The following USO1 variants were observed in gnomAD, a reference collection of about 807,000 sequenced individuals.
USO1 encodes USO1 vesicle transport factor, also known as general vesicular transport factor p115.
USO1 carries 57 observed loss-of-function variants against 124.5 expected under a neutral mutation model. That is an observed-to-expected ratio of 0.46 (90% CI 0.37 to 0.57). The LOEUF is 0.57. Among genes scored for constraint, USO1 ranks in the 20% least tolerant of loss-of-function variants. USO1 has a pLI of 0.00. For missense variants in USO1, 900 were observed against 1,040.6 expected, an observed-to-expected ratio of 0.86 and a Z score of 1.86; for synonymous variants, 369 against 362.8, an observed-to-expected ratio of 1.02 and a Z score of -0.19.
rs1039513102 is a variant in USO1 at position 75,769,653 on chromosome 4, G to C, written c.296-786G>C. 4.6e-5 allele frequency among the ~76,000 whole-genome samples: 7 copies of C among 151,938 alleles called. No individual in the cohort carries two copies. In the East Asian group the frequency reaches 1.4e-3, roughly 29 times the overall value. On this transcript the variant is annotated intron_variant, in intron 4 of 23. Transcript: ENST00000514213. ...GGTGTGAGTGAGAGAATGGGAAGTA[G>C]TATGTTTGCATCACTAATTTGAGTT...
chr4:75,791,366 A>C (rs1321136916), intron 12 of USO1, among the ~76,000 whole-genome samples: 1 of 152,208 alleles, frequency 6.6e-6, no homozygotes, highest in African/African-American at 2.4e-5. Context: ...TCTACTAAAA[A>C]TACAAAAATT....
chr4:75,805,958 T>G (rs1316125831), intron 19 of USO1, among the ~76,000 whole-genome samples: 1 of 152,112 alleles, frequency 6.6e-6, no homozygotes, highest in African/African-American at 2.4e-5. Context: ...GGTAAATGCT[T>G]AGATTTAATA....
chr4:75,771,808 C>T (rs566950929), intron 7 of USO1, among the ~76,000 whole-genome samples: 55 of 152,258 alleles, frequency 3.6e-4, no homozygotes, highest in Non-Finnish European at 6.8e-4. Flanking sequence ...TATTTTGTTG[C>T]ATAAGCATTT....
intron 4 of USO1, among the ~76,000 whole-genome samples, chr4:75,758,280 A>G (rs968521651): frequency 6.6e-6 from 1 of 152,194 alleles, no homozygotes; most frequent in Non-Finnish European, 1.5e-5. Flanking sequence ...TGTATTTGTC[A>G]TATCAAATTG....
rs533315199 is a variant in USO1 at position 75,791,438 on chromosome 4, C to T, written c.1240+641C>T. ...ACTCAGGAGGCTGAGGCAGGAGAATCGCTCAAATCCTGGAGGCAGAGGTTG... is the reference window on the plus strand; with the variant it reads ...ACTCAGGAGGCTGAGGCAGGAGAATTGCTCAAATCCTGGAGGCAGAGGTTG... On this transcript the variant is annotated intron_variant, in intron 12 of 23. Transcript: ENST00000514213. Among the ~76,000 whole-genome samples, 39 of 152,236 alleles carry T rather than the reference C, an allele frequency of 2.6e-4. 1 individual carries two copies. The South Asian group carries it at 7.7e-3, about 30-fold the overall frequency.
intron 4 of USO1, among the ~76,000 whole-genome samples, chr4:75,765,485 T>C (rs1366835747): frequency 6.6e-6 from 1 of 152,168 alleles, no homozygotes; most frequent in African/African-American, 2.4e-5. Flanking sequence ...TCATAGCTGA[T>C]TCTAAAGATG....
At chr4:75,787,552 T>C (rs1238418289) in intron 10 of USO1, among the ~76,000 whole-genome samples, 1 of 152,234 alleles carries the variant, frequency 6.6e-6, no homozygotes, top group Non-Finnish European at 1.5e-5. Context: ...ATTCATTGAA[T>C]AGTAAATTCT....
At chr4:75,726,262 CAA>C (rs1193948035) in intron 1 of USO1, among the ~76,000 whole-genome samples, 1 of 101,780 alleles carries the variant, frequency 9.8e-6, no homozygotes, top group Non-Finnish European at 1.8e-5. Flanking sequence ...GCCTGGGCAA[CAA>C]GAGCGAAACT....
rs562384097 is a variant in USO1 at position 75,724,857 on chromosome 4, C to T, written c.38C>T (p.Ala13Val). ...FLRGVMGGQS[A>V]GPQHTEAETI... ...CGCGGGGTAATGGGGGGTCAGAGTG[C>T]CGGACCCCAGCACACAGAAGCCGAG... Residue 13 changes from alanine (A) to valine (V), a missense_variant, in exon 1 of 24, where the codon GCC becomes GTC. Ala to Val is a moderately conservative substitution (Grantham distance 64). Coordinates refer to ENST00000514213, the MANE Select transcript of USO1 (RefSeq NM_003715.4). 3 of 1,613,678 alleles carry T rather than the reference C, an allele frequency of 1.9e-6. No individual in the cohort carries two copies. The African/African-American group carries it at 4.0e-5, about 22-fold the overall frequency.
chr4:75,769,365 A>T (rs772278452), intron 4 of USO1, among the ~76,000 whole-genome samples: 6 of 152,222 alleles, frequency 3.9e-5, no homozygotes, highest in Middle Eastern at 3.2e-3. Flanking sequence ...TAATTAATCA[A>T]CTGGAAAACA....
rs535112089 is a variant in USO1, at chr4:75,787,081, C to G, written c.875C>G (p.Ser292Cys). 1 of 1,585,520 alleles carries G rather than the reference C, an allele frequency of 6.3e-7. No individual in the cohort carries two copies. Among genetic ancestry groups the G allele is most frequent in the East Asian group, 2.3e-5 (1 of 43,768 alleles). Residue 292 changes from serine to cysteine, a missense_variant, in exon 10 of 24, where the codon TCT (serine) becomes TGT (cysteine). Ser to Cys is a moderately radical substitution (Grantham distance 112). Around this residue, in one of 2 missense-constraint regions of USO1, gnomAD observed 538 missense variants for 681.6 expected, o/e 0.79. Transcript: ENST00000514213. ...LMLQLVRVLV[S>C]PTNPPGATSS... Reference sequence around the variant, plus strand: ...TCACAGCTTGTTCGTGTATTGGTATCTCCCACCAACCCTCCTGGTGCTACC... The same window carrying G: ...TCACAGCTTGTTCGTGTATTGGTATGTCCCACCAACCCTCCTGGTGCTACC...
intron 3 of USO1, chr4:75,755,555 A>T: frequency 2.0e-6 from 1 of 510,564 alleles, no homozygotes; most frequent in East Asian, 5.5e-5. Flanking sequence ...GTTATATTTC[A>T]GTTATGCCCA....
At chr4:75,772,488 C>T (rs1297270905) in intron 7 of USO1, among the ~76,000 whole-genome samples, 3 of 152,176 alleles carry the variant, frequency 2.0e-5, no homozygotes, top group East Asian at 1.9e-4. Context: ...CCACCCACCT[C>T]GACCTCCCAA....
At chr4:75,810,013 GA>G (rs1343452770) in intron 21 of USO1, among the ~76,000 whole-genome samples, 1 of 152,186 alleles carries the variant, frequency 6.6e-6, no homozygotes, top group African/African-American at 2.4e-5. Flanking sequence ...TAGCACTTGA[GA>G]AAAGATTTGC....
chr4:75,730,758 A>G (rs536153497), intron 1 of USO1, among the ~76,000 whole-genome samples: 2 of 152,086 alleles, frequency 1.3e-5, no homozygotes, highest in South Asian at 2.1e-4. Context: ...TTATACCTCA[A>G]GCAGAAGTGC....
chr4:75,788,228 C>A (rs1003300520), intron 10 of USO1, among the ~76,000 whole-genome samples: 1 of 146,224 alleles, frequency 6.8e-6, no homozygotes, highest in Non-Finnish European at 1.5e-5. Flanking sequence ...AGTACAGTGG[C>A]ATGATCTCAG....
intron 14 of USO1, 69 bp from the exon 15 acceptor site, chr4:75,800,282 T>TG: frequency 6.7e-7 from 1 of 1,492,866 alleles, no homozygotes; most frequent in East Asian, 2.5e-5. Flanking sequence ...AGTATTAATG[T>TG]ATGTCAAATT....
rs1190075984 is a variant in USO1, at chr4:75,806,693, C to A, written c.2376+121C>A. Reference sequence around the variant, plus strand: ...GATGTAAGTAAAATTTAAGTTAAGACAGCCATTTGAAAATCCAGAAGCTGT... The same window carrying A: ...GATGTAAGTAAAATTTAAGTTAAGAAAGCCATTTGAAAATCCAGAAGCTGT... On this transcript the variant is annotated intron_variant, in intron 20 of 23. Coordinates refer to ENST00000514213, the MANE Select transcript of USO1 (RefSeq NM_003715.4). The A allele has an allele frequency of 3.9e-6, 5 of 1,296,576 alleles. No individual in the cohort carries two copies. In the African/African-American group the frequency reaches 7.5e-5, roughly 20 times the overall value. The allele number at this position is 1,296,576 out of a possible 1,614,324, so 80.3% of individuals were successfully genotyped here.
intron 13 of USO1, among the ~76,000 whole-genome samples, chr4:75,798,495 TAG>T (rs1249051956): frequency 8.5e-5 from 13 of 152,304 alleles, no homozygotes; most frequent in African/African-American, 2.6e-4. Context: ...GGTAATGACG[TAG>T]AGGCAAGGAA....
Sources: allele counts gnomAD v4.1 joint callset (sites outside exome capture counted in the v4.1 genomes callset), GRCh38; gene constraint gnomAD v4.1.1; regional missense constraint gnomAD v4.1.1; transcripts MANE v1.5; gene names NCBI Gene and HGNC (gene_info 2026-07-23, HGNC 2026-07-21).